The following SIDT1 variants were observed in gnomAD, a reference collection of about 807,000 sequenced individuals.
SIDT1 encodes SID1 transmembrane family member 1, also known as SID1 transmembrane family, member 1.
Under a neutral mutation model 107.5 loss-of-function variants are expected in SIDT1, and 101 were observed. The observed-to-expected ratio is 0.94, with a 90% CI of 0.80 to 1.11. The LOEUF (loss-of-function observed/expected upper bound fraction) is 1.11. SIDT1 is among the 50% of genes least tolerant of loss of function. The pLI is 0.00. For synonymous variants in SIDT1, 395 were observed against 398.2 expected, an observed-to-expected ratio of 0.99 and a Z score of 0.10; for missense variants, 1,076 against 1,058.2, an observed-to-expected ratio of 1.02 and a Z score of -0.23.
intron 4 of SIDT1, among the ~76,000 whole-genome samples, chr3:113,578,320 AC>A (rs35325047): frequency 1.3e-5 from 2 of 151,594 alleles, no homozygotes; most frequent in Admixed American, 6.6e-5. Context: ...ACAAAAAATT[AC>A]CCGGGCATGG....
chr3:113,549,234 T>C (rs1263140769), intron 1 of SIDT1, among the ~76,000 whole-genome samples: 2 of 152,186 alleles, frequency 1.3e-5, no homozygotes, highest in Non-Finnish European at 2.9e-5. Flanking sequence ...GGTTTTTGTG[T>C]GGACATAAGT....
chr3:113,546,963 A>G (rs558219500), intron 1 of SIDT1, among the ~76,000 whole-genome samples: 7 of 152,312 alleles, frequency 4.6e-5, no homozygotes, highest in South Asian at 2.1e-4. Context: ...CTAATGAGCT[A>G]TTTGAAATGG....
chr3:113,556,500 A>G (rs1576750429), intron 1 of SIDT1, among the ~76,000 whole-genome samples: 1 of 152,150 alleles, frequency 6.6e-6, no homozygotes, highest in East Asian at 1.9e-4. Flanking sequence ...TCGCTCAGCC[A>G]GCTGTAACAT....
At chr3:113,607,598 C>G (rs1008265464) in intron 15 of SIDT1, among the ~76,000 whole-genome samples, 1 of 152,256 alleles carries the variant, frequency 6.6e-6, no homozygotes, top group East Asian at 1.9e-4. Context: ...GAAGCATTGC[C>G]TGGGAGTTGG....
At chr3:113,600,365 C>A (rs958848360) in intron 10 of SIDT1, among the ~76,000 whole-genome samples, 2 of 151,878 alleles carry the variant, frequency 1.3e-5, no homozygotes, top group Non-Finnish European at 2.9e-5. Context: ...GAGACCAATA[C>A]AATGAAACAC....
chr3:113,622,986 A>C (rs1365126355), intron 21 of SIDT1, among the ~76,000 whole-genome samples: 1 of 152,028 alleles, frequency 6.6e-6, no homozygotes, highest in Non-Finnish European at 1.5e-5. Context: ...CCATGAATCC[A>C]ACATCAGGCT....
intron 4 of SIDT1, among the ~76,000 whole-genome samples, chr3:113,578,117 T>C (rs1458542409): frequency 1.3e-5 from 2 of 152,196 alleles, no homozygotes. Context: ...CTATTTAATT[T>C]CAAGAAATAT....
At chr3:113,595,221 T>C (rs576593064) in intron 10 of SIDT1, among the ~76,000 whole-genome samples, 8 of 152,318 alleles carry the variant, frequency 5.3e-5, no homozygotes, top group Non-Finnish European at 1.2e-4. Flanking sequence ...GGATGTTTAA[T>C]AGCATCCTTC....
At chr3:113,588,849 T>A (rs1335524849) in intron 9 of SIDT1, 1 of 148,900 alleles carries the variant, frequency 6.7e-6, no homozygotes, top group Non-Finnish European at 1.5e-5. Flanking sequence ...CACACAGCAA[T>A]ACATGTTTAA....
intron 15 of SIDT1, 92 bp from the exon 16 acceptor site, chr3:113,608,002 T>A (rs910025637): frequency 2.2e-6 from 3 of 1,345,292 alleles, no homozygotes; most frequent in Non-Finnish European, 3.0e-6. Flanking sequence ...AAAACATTCA[T>A]GCTGAATTCA....
chr3:113,635,013 G>C, the SIDT1 span, among the ~76,000 whole-genome samples: 21 of 152,268 alleles, frequency 1.4e-4, no homozygotes, highest in South Asian at 4.1e-3. Context: ...GCTTGTAAAC[G>C]TAAGAACCAA....
chr3:113,627,311 G>A (rs1041464569), intron 24 of SIDT1, among the ~76,000 whole-genome samples: 1 of 152,044 alleles, frequency 6.6e-6, no homozygotes, highest in East Asian at 1.9e-4. Context: ...TATCTAACAT[G>A]CTATATTTTA....
At chr3:113,576,859 G>A in intron 3 of SIDT1, 63 bp from the exon 4 acceptor site, 2 of 1,499,344 alleles carry the variant, frequency 1.3e-6, no homozygotes, top group African/African-American at 2.8e-5. Flanking sequence ...AATAATTTTT[G>A]CTCACTAACT....
chr3:113,579,548 A>T (rs1171628923), intron 4 of SIDT1, among the ~76,000 whole-genome samples: 2 of 152,168 alleles, frequency 1.3e-5, no homozygotes, highest in Non-Finnish European at 2.9e-5. Flanking sequence ...ATGTGAATAG[A>T]CTTCCAACTG....
chr3:113,616,082 C>T lies in SIDT1; in HGVS notation c.1967-18C>T. 1 of 1,589,142 alleles carries T rather than the reference C, an allele frequency of 6.3e-7. No homozygotes were observed. Among genetic ancestry groups the T allele is most frequent in the African/African-American group, 1.3e-5 (1 of 74,582 alleles). ...TTGTTGACTAAGCCTTCTCACCATG[C>T]ATTTGTATTATCAGCAGATTTGGGA... On this transcript the variant is annotated intron_variant, in intron 19 of 24. Coordinates refer to ENST00000264852, the MANE Select transcript of SIDT1 (RefSeq NM_017699.3).
intron 17 of SIDT1, among the ~76,000 whole-genome samples, chr3:113,609,821 A>G (rs1945612764): frequency 6.6e-6 from 1 of 152,220 alleles, no homozygotes; most frequent in Non-Finnish European, 1.5e-5. Context: ...ATTTTTAAAT[A>G]TTTGCCTAGA....
At chr3:113,581,916 T>C (rs1213087740) in intron 6 of SIDT1, 7 of 154,612 alleles carry the variant, frequency 4.5e-5, no homozygotes, top group African/African-American at 1.7e-4. Flanking sequence ...CTCTACCAGG[T>C]GCCTCTTTCC....
intron 19 of SIDT1, among the ~76,000 whole-genome samples, chr3:113,615,761 T>C (rs1946059225): frequency 6.6e-6 from 1 of 152,202 alleles, no homozygotes; most frequent in Admixed American, 6.5e-5. Flanking sequence ...ATCTCTACTA[T>C]AAAGAAAACA....
intron 19 of SIDT1, 25 bp from the exon 20 acceptor site, chr3:113,616,075 C>T (rs1199708392): frequency 6.4e-7 from 1 of 1,566,976 alleles, no homozygotes; most frequent in East Asian, 2.2e-5. Context: ...TAAGCCTTCT[C>T]ACCATGCATT....
Sources: gnomAD v4.1 joint callset for allele counts (sites outside exome capture counted in the v4.1 genomes callset) on GRCh38, gnomAD v4.1.1 for gene constraint, MANE v1.5 for transcripts, NCBI Gene and HGNC (gene_info 2026-07-23, HGNC 2026-07-21) for gene names.